Variants in MIER1 observed in about 807,000 individuals in gnomAD.
MIER1 encodes mesoderm induction early response protein 1.
In MIER1, 40 loss-of-function variants were observed where a neutral mutation model predicts 75.7. The ratio of observed to expected loss-of-function variants is 0.53; its 90% CI spans 0.41 to 0.69. The LOEUF is 0.69. Among genes scored for constraint, MIER1 ranks in the 30% least tolerant of loss-of-function variants. MIER1 has a pLI of 0.00. For synonymous variants in MIER1, 213 were observed against 223.4 expected (o/e 0.95, Z 0.42); for missense variants, 574 against 680.2 (o/e 0.84, Z 1.74).
In MIER1 at chr1:66,925,058, C is replaced by T; in HGVS notation, c.30C>T (p.Gly10=). Residue 10 remains glycine, a synonymous_variant, in exon 1 of 14, where the codon GGC becomes GGT. Coordinates refer to ENST00000401041, the MANE Select transcript of MIER1 (RefSeq NM_001077700.3). MDGASSGGG[G]SSEGGGGSSG... Reference sequence around the variant, plus strand: ...ATGGGGCTTCTTCAGGCGGTGGCGGCAGCAGCGAAGGTGGCGGCGGCAGCA... The same window carrying T: ...ATGGGGCTTCTTCAGGCGGTGGCGGTAGCAGCGAAGGTGGCGGCGGCAGCA... 1 of 1,548,914 alleles carries T rather than the reference C, an allele frequency of 6.5e-7. No individual in the cohort carries two copies. Among genetic ancestry groups the T allele is most frequent in the Admixed American group, 2.0e-5 (1 of 50,130 alleles).
Position 66,971,748 on chromosome 1 carries a change from T to C in MIER1, c.1006+12T>C. The C allele has an allele frequency of 7.5e-7, 1 of 1,337,212 alleles. No homozygotes were observed. The highest frequency in any genetic ancestry group is 1.3e-5 in the South Asian group (1 of 77,624). 82.8% of individuals were successfully genotyped at this position (1,337,212 alleles called of 1,614,324 possible). A position where few individuals can be genotyped will look rare whatever the true frequency, so the allele number is the denominator to read the frequency against. On this transcript the variant is annotated intron_variant, in intron 10 of 13. Coordinates refer to ENST00000401041, the MANE Select transcript of MIER1 (RefSeq NM_001077700.3). ...AAAAGCAGCTAGAGGTAAGTATAGT[T>C]TTTATTCATTTTCATGATTTGGCAG...
chr1:66,985,019 C>T lies in MIER1; in HGVS notation c.*119C>T. On this transcript the variant is annotated 3_prime_UTR_variant, in exon 14 of 14. Transcript: ENST00000401041. ...AGCAGTTTGAAAATTTGAATTGAGT[C>T]TTAACTTTAGGAAATGAGGTTTCAT... 7.1e-7 allele frequency: 1 copy of T among 1,405,776 alleles called. No homozygotes were observed. Among genetic ancestry groups the T allele is most frequent in the Non-Finnish European group, 9.3e-7 (1 of 1,079,710 alleles). 87.1% of individuals were successfully genotyped at this position (1,405,776 alleles called of 1,614,324 possible). A position where few individuals can be genotyped will look rare whatever the true frequency, so the allele number is the denominator to read the frequency against.
chr1:66,963,227 G>A, intron 8 of MIER1, 67 bp downstream of exon 8: 1 of 1,027,068 alleles, frequency 9.7e-7, no homozygotes. Context: ...TACTTTATAT[G>A]TAAAATGTGA....
intron 2 of MIER1, among the ~76,000 whole-genome samples, chr1:66,926,744 C>A (rs915669124): frequency 6.6e-6 from 1 of 152,100 alleles, no homozygotes; most frequent in African/African-American, 2.4e-5. Flanking sequence ...AAACTAATCT[C>A]AAAAGAGACT....
intron 1 of MIER1, chr1:66,925,328 G>A: frequency 1.0e-6 from 1 of 985,438 alleles, no homozygotes; most frequent in South Asian, 4.7e-5. Flanking sequence ...CTGCCTCCCA[G>A]CGCCGCCTTT....
At chr1:66,950,971 A>G (rs1354483870) in intron 4 of MIER1, among the ~76,000 whole-genome samples, 1 of 152,152 alleles carries the variant, frequency 6.6e-6, no homozygotes, top group African/African-American at 2.4e-5. Flanking sequence ...AGTACTATCT[A>G]CATCCACCAA....
intron 7 of MIER1, chr1:66,960,171 C>T (rs1349751339): frequency 6.6e-6 from 1 of 152,200 alleles, no homozygotes; most frequent in African/African-American, 2.4e-5. Flanking sequence ...ATATGTTTTT[C>T]AATATTATGG....
Position 66,962,269 on chromosome 1 carries a change from C to T in MIER1, c.700-819C>T, listed in dbSNP as rs146941169. On this transcript the variant is annotated intron_variant, in intron 7 of 13. Transcript: ENST00000401041. ...TAATTATATTTGTGGGAGGAGGTTA[C>T]TTTTTCATTTTGTATTGTTTTAATG... Among the ~76,000 whole-genome samples the T allele has an allele frequency of 1.9e-3, 282 of 152,234 alleles. 4 individuals carry two copies. Among genetic ancestry groups the T allele is most frequent in the Non-Finnish European group, 5.3e-4 (36 of 68,004 alleles).
chr1:66,936,338 G>A (rs1204885572), intron 2 of MIER1, among the ~76,000 whole-genome samples: 1 of 151,288 alleles, frequency 6.6e-6, no homozygotes, highest in Non-Finnish European at 1.5e-5. Flanking sequence ...TTCTGCTTCA[G>A]CCTCCCAAGT....
chr1:66,976,789 G>C, intron 12 of MIER1, 67 bp downstream of exon 12: 1 of 1,300,392 alleles, frequency 7.7e-7, no homozygotes, highest in South Asian at 1.8e-5. Context: ...TTTTTCTTGA[G>C]TTAATTATTA....
chr1:66,946,459 G>A, intron 4 of MIER1, 164 bp downstream of exon 4: 4 of 1,345,402 alleles, frequency 3.0e-6, no homozygotes, highest in Non-Finnish European at 2.9e-6. Flanking sequence ...TGAAATGAAA[G>A]GATTTAAAAA....
intron 5 of MIER1, 84 bp downstream of exon 5, chr1:66,958,304 T>G: frequency 1.4e-6 from 1 of 739,942 alleles, no homozygotes; most frequent in Admixed American, 4.0e-5. Context: ...ATTACTTGTC[T>G]TTATAATCTT....
chr1:66,942,976 CAAAG>C (rs771266746), intron 3 of MIER1, among the ~76,000 whole-genome samples: 6 of 152,042 alleles, frequency 3.9e-5, no homozygotes, highest in Non-Finnish European at 8.8e-5. Context: ...ACAAGTATAA[CAAAG>C]AATTAAGCAT....
chr1:66,970,757 AACTC>A (rs1663429927), intron 8 of MIER1, 47 bp from the exon 9 acceptor site: 5 of 1,367,992 alleles, frequency 3.7e-6, no homozygotes, highest in Non-Finnish European at 3.9e-6. Flanking sequence ...TTTTAACACA[AACTC>A]TATCAGTTTT....
chr1:66,937,156 G>A lies in MIER1; in HGVS notation c.169-2872G>A, dbSNP rs150669025. ...GAGTCAGGGTCTAGACTTCAGGCCTGCCTTCACCACCTACCATGGAACCTT... is the reference window on the plus strand; with the variant it reads ...GAGTCAGGGTCTAGACTTCAGGCCTACCTTCACCACCTACCATGGAACCTT... On this transcript the variant is annotated intron_variant, in intron 2 of 13. Transcript: ENST00000401041. 1.4e-4 allele frequency among the ~76,000 whole-genome samples: 21 copies of A among 152,162 alleles called. No homozygotes were observed. In the East Asian group the frequency reaches 3.9e-3, roughly 28 times the overall value.
chr1:66,959,756 A>AT lies in MIER1; in HGVS notation c.699+14dup. ...AGACTGGAAAAAGGTAGTTAGAACA[A>AT]TATTTTCCCAAAATTTAGATAAATT... On this transcript the variant is annotated intron_variant, in intron 7 of 13. Coordinates refer to ENST00000401041, the MANE Select transcript of MIER1 (RefSeq NM_001077700.3). 1 of 1,310,898 alleles carries AT rather than the reference A, an allele frequency of 7.6e-7. No homozygotes were observed. The highest frequency in any genetic ancestry group is 1.5e-5 in the African/African-American group (1 of 64,972). 81.2% of individuals were successfully genotyped at this position (1,310,898 alleles called of 1,614,324 possible). A position where few individuals can be genotyped will look rare whatever the true frequency, so the allele number is the denominator to read the frequency against.
intron 8 of MIER1, among the ~76,000 whole-genome samples, chr1:66,966,480 G>C (rs1662428633): frequency 6.6e-6 from 1 of 152,128 alleles, no homozygotes; most frequent in South Asian, 2.1e-4. Context: ...ATTGTGAGTA[G>C]TGCCACAATA....
intron 3 of MIER1, among the ~76,000 whole-genome samples, chr1:66,945,267 G>GTGTATATATATATA (rs1244341605): frequency 1.4e-5 from 2 of 141,872 alleles, no homozygotes; most frequent in Non-Finnish European, 3.1e-5. Context: ...TCTGGTGTGT[G>GTGTATATATATATA]TATATATATA....
intron 8 of MIER1, among the ~76,000 whole-genome samples, chr1:66,965,604 A>G (rs1448462204): frequency 1.3e-5 from 2 of 152,150 alleles, no homozygotes; most frequent in Non-Finnish European, 2.9e-5. Flanking sequence ...GTGTGTAACA[A>G]CCACATCATG....
Sources: allele counts gnomAD v4.1 joint callset (sites outside exome capture counted in the v4.1 genomes callset), GRCh38; gene constraint gnomAD v4.1.1; transcripts MANE v1.5; gene names NCBI Gene and HGNC (gene_info 2026-07-23, HGNC 2026-07-21).